PDCD11: variants seen among roughly 807,000 people sequenced by gnomAD.
PDCD11 encodes protein RRP5 homolog.
A neutral mutation model predicts 198.9 loss-of-function variants in PDCD11; 97 were observed. The observed-to-expected ratio is 0.49, with a 90% confidence interval of 0.41 to 0.58. The LOEUF (loss-of-function observed/expected upper bound fraction) is 0.58, where lower values mean the gene tolerates loss of function less well. PDCD11 is among the 20% of genes least tolerant of loss of function. The pLI is 0.00. For synonymous variants in PDCD11, 893 were observed against 918.0 expected, an observed-to-expected ratio of 0.97 and a Z score of 0.49; for missense variants, 2,102 against 2,312.7, an observed-to-expected ratio of 0.91 and a Z score of 1.87.
chr10:103,419,801 T>C, intron 16 of PDCD11, 93 bp downstream of exon 16: 2 of 1,119,436 alleles, frequency 1.8e-6, no homozygotes, highest in Non-Finnish European at 2.5e-6. Context: ...CTTTATTCCT[T>C]TTTTTTTTGA....
chr10:103,406,288 G>C (rs1278360875), intron 6 of PDCD11, among the ~76,000 whole-genome samples, 180 bp downstream of exon 6: 3 of 152,208 alleles, frequency 2.0e-5, no homozygotes, highest in African/African-American at 7.2e-5. Context: ...GGGCCAGCGA[G>C]TGGTAAGGTC....
intron 8 of PDCD11, among the ~76,000 whole-genome samples, chr10:103,412,322 G>A (rs1279904361): frequency 6.8e-6 from 1 of 147,052 alleles, no homozygotes; most frequent in African/African-American, 2.5e-5. Flanking sequence ...CACCATGCCC[G>A]GCTAATTTTT....
rs765153189 is a variant in PDCD11, at chr10:103,413,977, C to T, written c.1197C>T (p.Leu399=). 1.2e-5 allele frequency: 20 copies of T among 1,611,914 alleles called. No homozygotes were observed. The highest frequency in any genetic ancestry group is 1.4e-5 in the Non-Finnish European group (17 of 1,178,996). Residue 399 remains leucine, a synonymous_variant, in exon 10 of 36, where the codon CTC becomes CTT. Transcript: ENST00000369797. ...GVLAYARLSH[L]SDSKNVFNPE... is the part of the protein sequence containing the mutation. ...TTGGTACTTTGCAGCTCAGCCATCT[C>T]TCTGATTCTAAGAACGTCTTCAATC...
At chr10:103,421,309 C>T in intron 16 of PDCD11, 39 bp from the exon 17 acceptor site, 1 of 1,505,924 alleles carries the variant, frequency 6.6e-7, no homozygotes, top group Non-Finnish European at 9.1e-7. Context: ...TTAATGAAGA[C>T]CTTTCCTCTT....
Position 103,433,996 on chromosome 10 carries a change from C to T in PDCD11, c.3523C>T (p.Arg1175Trp), listed in dbSNP as rs776513821. The change falls in exon 23 of 36, where the codon CGG (arginine) becomes TGG (tryptophan). Residue 1175 changes from arginine to tryptophan, a missense_variant. Arg to Trp is a moderately radical substitution (Grantham distance 101). Coordinates refer to ENST00000369797, the MANE Select transcript of PDCD11 (RefSeq NM_014976.2). ...WLEVEIAPDI[R>W]GRIPLLLTSL... The stretch of plus-strand genomic sequence containing the variant: ...TGAGGTGGAGATTGCCCCAGACATC[C>T]GGGGGAGAATTCCCTTATTGCTCAC... 15 of 1,613,836 alleles carry T rather than the reference C, an allele frequency of 9.3e-6. No homozygotes were observed. Among genetic ancestry groups the T allele is most frequent in the East Asian group, 6.7e-5 (3 of 44,896 alleles).
chr10:103,413,405 T>C (rs991747581), intron 9 of PDCD11, 83 bp downstream of exon 9: 1 of 1,105,870 alleles, frequency 9.0e-7, no homozygotes, highest in Non-Finnish European at 1.3e-6. Flanking sequence ...GCTTCTTTCA[T>C]TCCTTGATGC....
intron 16 of PDCD11, 30 bp from the exon 17 acceptor site, chr10:103,421,318 T>C: frequency 6.4e-7 from 1 of 1,551,046 alleles, no homozygotes; most frequent in Non-Finnish European, 8.8e-7. Flanking sequence ...ACCTTTCCTC[T>C]TCTCATCTCC....
chr10:103,411,163 A>AC (rs1295236093), intron 8 of PDCD11, among the ~76,000 whole-genome samples: 3 of 151,934 alleles, frequency 2.0e-5, no homozygotes, highest in African/African-American at 7.3e-5. Flanking sequence ...GGAGTCCCCC[A>AC]ACCTTGGCCT....
At position 103,444,615 on chromosome 10, in the gene PDCD11, A is replaced by G; in HGVS notation, c.5377A>G (p.Lys1793Glu). 6.2e-7 allele frequency: 1 copy of G among 1,614,172 alleles called. No individual in the cohort carries two copies. The highest frequency in any genetic ancestry group is 8.5e-7 in the Non-Finnish European group (1 of 1,180,026). Residue 1793 changes from lysine to glutamate, a missense_variant, in exon 35 of 36, where the codon AAG becomes GAG. Lys to Glu is a moderately conservative substitution (Grantham distance 56, BLOSUM62 1). Coordinates refer to ENST00000369797, the MANE Select transcript of PDCD11 (RefSeq NM_014976.2). ...TGAGAACACGCTGAGCACCTACCCAAAGCGCACAGATGTCTGGTCGGTCTA... is the reference window on the plus strand; with the variant it reads ...TGAGAACACGCTGAGCACCTACCCAGAGCGCACAGATGTCTGGTCGGTCTA... Reference protein sequence around the residue: ...IFENTLSTYPKRTDVWSVYID... With the variant: ...IFENTLSTYPERTDVWSVYID...
chr10:103,411,679 A>G (rs868748462), intron 8 of PDCD11, among the ~76,000 whole-genome samples: 1 of 152,182 alleles, frequency 6.6e-6, no homozygotes, highest in Non-Finnish European at 1.5e-5. Flanking sequence ...TTCAGCCACT[A>G]CAACTAGCTG....
rs192021632 is a variant in PDCD11, at chr10:103,416,592, G to A, written c.1620G>A (p.Lys540=). 1.2e-6 allele frequency: 2 copies of A among 1,614,202 alleles called. No homozygotes were observed. Among genetic ancestry groups the A allele is most frequent in the African/African-American group, 1.3e-5 (1 of 75,052 alleles). ...TCATTACCTGCTATGCCGATGCCAA[G>A]CCTGGTCTGCAGACACATGGCTTCA... ...LPVITCYADA[K]PGLQTHGFII... is the part of the protein sequence containing the mutation. Residue 540 remains lysine, a synonymous_variant, in exon 13 of 36, where the codon AAG becomes AAA. Coordinates refer to ENST00000369797, the MANE Select transcript of PDCD11 (RefSeq NM_014976.2).
chr10:103,406,168 T>G (rs1341756935), intron 6 of PDCD11, 60 bp downstream of exon 6: 44 of 1,579,900 alleles, frequency 2.8e-5, no homozygotes, highest in Non-Finnish European at 1.7e-6. Context: ...GGGATTATAT[T>G]TAAGTGCCAT....
Position 103,398,500 on chromosome 10 carries a change from A to C in PDCD11, c.74A>C (p.Gln25Pro). 1 of 1,613,376 alleles carries C rather than the reference A, an allele frequency of 6.2e-7. No individual in the cohort carries two copies. Among genetic ancestry groups the C allele is most frequent in the Non-Finnish European group, 8.5e-7 (1 of 1,179,254 alleles). ...CACAAACCAGAGAAAGCTTTCCAGC[A>C]GTCAGTTGAACAAGACAACTTATTT... ...KIHKPEKAFQ[Q>P]SVEQDNLFDI... The change falls in exon 2 of 36, where the codon CAG (glutamine) becomes CCG (proline). Residue 25 changes from glutamine (Q) to proline (P), a missense_variant. Gln to Pro is a moderately conservative substitution (Grantham distance 76). Coordinates refer to ENST00000369797, the MANE Select transcript of PDCD11 (RefSeq NM_014976.2).
chr10:103,443,224 G>A lies in PDCD11; in HGVS notation c.5015G>A (p.Gly1672Asp), dbSNP rs1171477459. The change falls in exon 33 of 36, where the codon GGC (glycine) becomes GAC (aspartate). Residue 1672 changes from glycine (G) to aspartate (D), a missense_variant. Physicochemically the swap from Gly to Asp is moderately conservative, Grantham distance 94. Transcript: ENST00000369797. ...CTGCTGAACCTGGAGAACATGTACGGCTCTCAGGAGTCCCTGACCAAGGTC... is the reference window on the plus strand; with the variant it reads ...CTGCTGAACCTGGAGAACATGTACGACTCTCAGGAGTCCCTGACCAAGGTC... The part of the protein sequence containing the change: ...VALLNLENMY[G>D]SQESLTKVFE... 1.2e-6 allele frequency: 2 copies of A among 1,612,042 alleles called. No individual in the cohort carries two copies. Among genetic ancestry groups the A allele is most frequent in the African/African-American group, 2.7e-5 (2 of 74,888 alleles).
chr10:103,437,954 AC>A, intron 25 of PDCD11, 60 bp from the exon 26 acceptor site: 4 of 1,354,786 alleles, frequency 3.0e-6, no homozygotes, highest in Non-Finnish European at 4.2e-6. Context: ...GGAAGCTGAG[AC>A]CCTTTGCTGT....
intron 3 of PDCD11, among the ~76,000 whole-genome samples, chr10:103,401,117 T>C (rs2030020432): frequency 6.6e-6 from 1 of 152,182 alleles, no homozygotes; most frequent in Admixed American, 6.6e-5. Flanking sequence ...ACTTGAGTTC[T>C]GATATATTCA....
chr10:103,423,010 G>A lies in PDCD11; in HGVS notation c.2520G>A (p.Leu840=). Residue 840 remains leucine, a synonymous_variant, in exon 18 of 36, where the codon CTG becomes CTA. Coordinates refer to ENST00000369797, the MANE Select transcript of PDCD11 (RefSeq NM_014976.2). ...SNRDSVLIQT[L]AEMTPGMFLD... ...CAGACTCTGTGTTGATCCAGACGCTGGCCGAGATGACCCCAGGAATGTTCC... is the reference window on the plus strand; with the variant it reads ...CAGACTCTGTGTTGATCCAGACGCTAGCCGAGATGACCCCAGGAATGTTCC... 6.3e-7 allele frequency: 1 copy of A among 1,579,164 alleles called. No individual in the cohort carries two copies. Among genetic ancestry groups the A allele is most frequent in the South Asian group, 1.2e-5 (1 of 84,768 alleles).
intron 7 of PDCD11, among the ~76,000 whole-genome samples, chr10:103,407,539 G>A (rs1206266678): frequency 2.0e-5 from 3 of 151,796 alleles, no homozygotes; most frequent in Admixed American, 6.6e-5. Flanking sequence ...TTCCAGCCTG[G>A]GCGACTGTGC....
chr10:103,432,239 G>A lies in PDCD11; in HGVS notation c.3474+5G>A, dbSNP rs2031966872. On this transcript the variant is annotated splice_donor_5th_base_variant and intron_variant, in intron 22 of 35. Transcript: ENST00000369797. ...GTTACTTGCTTCTTAAAGAAAGTAAGTAGTTTTGCCACTCGGCAATGAGAT... is the reference window on the plus strand; with the variant it reads ...GTTACTTGCTTCTTAAAGAAAGTAAATAGTTTTGCCACTCGGCAATGAGAT... The A allele has an allele frequency of 6.3e-7, 1 of 1,590,918 alleles. No individual in the cohort carries two copies. Among genetic ancestry groups the A allele is most frequent in the Admixed American group, 1.7e-5 (1 of 59,958 alleles).
Sources: gnomAD v4.1 joint callset for allele counts (sites outside exome capture counted in the v4.1 genomes callset) on GRCh38, gnomAD v4.1.1 for gene constraint, MANE v1.5 for transcripts, NCBI Gene and HGNC (gene_info 2026-07-23, HGNC 2026-07-21) for gene names.